The following DENND1A variants were observed in gnomAD, a reference collection of about 807,000 sequenced individuals.
DENND1A encodes DENN domain-containing protein 1A.
In DENND1A, 51 loss-of-function variants were observed where a neutral mutation model predicts 113.7. The observed-to-expected ratio is 0.45, with a 90% confidence interval of 0.36 to 0.57. DENND1A has a LOEUF of 0.57. Ranked by LOEUF, DENND1A falls within the 20% of genes least tolerant of loss-of-function variation. The probability of loss-of-function intolerance (pLI) is 0.00; values close to 1 mark genes in which losing one functional copy is unlikely to be tolerated. For missense variants in DENND1A, 1,258 were observed against 1,395.9 expected (o/e 0.90, Z 1.57); for synonymous variants, 565 against 570.8 (o/e 0.99, Z 0.14).
intron 13 of DENND1A, among the ~76,000 whole-genome samples, chr9:123,516,914 A>AAAAAAAAAAAAAAAAAC: frequency 6.9e-6 from 1 of 145,642 alleles, no homozygotes; most frequent in Admixed American, 6.9e-5. Flanking sequence ...AAAAAAAAAA[A>AAAAAAAAAAAAAAAAAC]AAAAAGAACG....
At chr9:123,552,370 C>T (rs901276223) in intron 13 of DENND1A, among the ~76,000 whole-genome samples, 2 of 152,260 alleles carry the variant, frequency 1.3e-5, no homozygotes, top group Non-Finnish European at 2.9e-5. Flanking sequence ...ATTACACATC[C>T]ACCTTATGGA....
intron 5 of DENND1A, among the ~76,000 whole-genome samples, chr9:123,700,427 G>A (rs1356511945): frequency 6.6e-6 from 1 of 152,198 alleles, no homozygotes; most frequent in Non-Finnish European, 1.5e-5. Flanking sequence ...TTTATGTTAA[G>A]TAACTGGTTG....
chr9:123,611,950 A>T (rs1442082598), intron 10 of DENND1A, among the ~76,000 whole-genome samples: 1 of 152,264 alleles, frequency 6.6e-6, no homozygotes, highest in Non-Finnish European at 1.5e-5. Flanking sequence ...GGCATTTTTT[A>T]AAGCCCAATA....
intron 5 of DENND1A, among the ~76,000 whole-genome samples, chr9:123,687,840 C>T (rs570952369): frequency 1.4e-4 from 22 of 152,308 alleles, no homozygotes; most frequent in South Asian, 4.1e-4. Flanking sequence ...AAAAGCTTCA[C>T]GGCTATCTAA....
chr9:123,699,688 CTTTTTTTTTTTTT>C lies in DENND1A; in HGVS notation c.303-22912_303-22900del, dbSNP rs34215948. Among the ~76,000 whole-genome samples the C allele has an allele frequency of 2.7e-5, 3 of 112,414 alleles. No individual in the cohort carries two copies. The South Asian group carries it at 9.0e-4, about 34-fold the overall frequency. 73.7% of individuals were successfully genotyped at this position (112,414 alleles called of 152,430 possible). A position where few individuals can be genotyped will look rare whatever the true frequency, so the allele number is the denominator to read the frequency against. ...TAGACTACCCTTTCATTCTTTCTTT[CTTTTTTTTTTTTT>C]TTTTTTTTTTATTGGAGACAGAGTC... On this transcript the variant is annotated intron_variant, in intron 5 of 23. Transcript: ENST00000394215.
intron 5 of DENND1A, among the ~76,000 whole-genome samples, chr9:123,709,469 C>T (rs1224593494): frequency 6.6e-6 from 1 of 152,186 alleles, no homozygotes; most frequent in East Asian, 1.9e-4. Context: ...GGCACTGATT[C>T]TGCTTTGGCA....
At chr9:123,759,919 A>G (rs1223713207) in intron 4 of DENND1A, 1 of 152,224 alleles carries the variant, frequency 6.6e-6, no homozygotes, top group Non-Finnish European at 1.5e-5. Context: ...TTCAAGGGAA[A>G]TCCTTTGAAG....
At chr9:123,472,768 C>T (rs918555928) in intron 13 of DENND1A, among the ~76,000 whole-genome samples, 1 of 152,204 alleles carries the variant, frequency 6.6e-6, no homozygotes, top group Non-Finnish European at 1.5e-5. Context: ...CCCACCGCGG[C>T]TCCTCATTCC....
intron 2 of DENND1A, among the ~76,000 whole-genome samples, chr9:123,858,479 T>G (rs1281478832): frequency 1.3e-5 from 2 of 152,154 alleles, no homozygotes; most frequent in Non-Finnish European, 2.9e-5. Flanking sequence ...GCTTCTAGCA[T>G]TAGTAAGTGA....
chr9:123,902,968 T>C (rs1040897478), intron 1 of DENND1A, among the ~76,000 whole-genome samples: 7 of 151,822 alleles, frequency 4.6e-5, no homozygotes, highest in Non-Finnish European at 1.0e-4. Flanking sequence ...TAGTATAACA[T>C]GACCAAGTGG....
chr9:123,646,673 G>A (rs751538869), intron 9 of DENND1A, among the ~76,000 whole-genome samples: 3 of 151,788 alleles, frequency 2.0e-5, no homozygotes, highest in Non-Finnish European at 4.4e-5. Context: ...ATTTCCTACC[G>A]TACGAGATAT....
chr9:123,429,481 G>C (rs2045977696), intron 19 of DENND1A, among the ~76,000 whole-genome samples: 1 of 152,118 alleles, frequency 6.6e-6, no homozygotes, highest in South Asian at 2.1e-4. Context: ...CTTGAACCTG[G>C]GATGTGGAGG....
chr9:123,812,049 C>A (rs1288742741), intron 2 of DENND1A, among the ~76,000 whole-genome samples: 1 of 152,104 alleles, frequency 6.6e-6, no homozygotes, highest in Non-Finnish European at 1.5e-5. Flanking sequence ...AGCTAAAGCA[C>A]CACCTTCCAC....
chr9:123,759,473 G>A (rs2070855193), intron 4 of DENND1A: 2 of 152,202 alleles, frequency 1.3e-5, no homozygotes, highest in African/African-American at 4.8e-5. Flanking sequence ...CACCCAGGCT[G>A]GGGTACAGTG....
At chr9:123,477,390 A>ATT (rs760921029) in intron 13 of DENND1A, among the ~76,000 whole-genome samples, 1,799 of 145,194 alleles carry the variant, frequency 0.012, 42 homozygotes, top group African/African-American at 0.042. Flanking sequence ...ATCTCTATAA[A>ATT]TTTTTTTTTT....
chr9:123,407,337 C>T (rs1226706455), intron 20 of DENND1A, among the ~76,000 whole-genome samples: 1 of 152,076 alleles, frequency 6.6e-6, no homozygotes. Flanking sequence ...CAGACCTGAC[C>T]ATCCCGAGAT....
At chr9:123,406,446 G>T (rs1014435857) in intron 20 of DENND1A, among the ~76,000 whole-genome samples, 1 of 152,238 alleles carries the variant, frequency 6.6e-6, no homozygotes, top group Admixed American at 6.5e-5. Context: ...GGAAGACGAT[G>T]AGTGGGTGTC....
At chr9:123,432,018 C>T (rs979965640) in intron 19 of DENND1A, among the ~76,000 whole-genome samples, 1 of 152,164 alleles carries the variant, frequency 6.6e-6, no homozygotes, top group South Asian at 2.1e-4. Context: ...TTTCACTCAG[C>T]TGCTGACATT....
chr9:123,500,881 T>C (rs1390754808), intron 13 of DENND1A, among the ~76,000 whole-genome samples: 1 of 152,238 alleles, frequency 6.6e-6, no homozygotes, highest in African/African-American at 2.4e-5. Flanking sequence ...GGTTGCTGCA[T>C]CAAAAATAAT....
Sources: allele counts gnomAD v4.1 joint callset (sites outside exome capture counted in the v4.1 genomes callset), GRCh38; gene constraint gnomAD v4.1.1; transcripts MANE v1.5; gene names NCBI Gene and HGNC (gene_info 2026-07-23, HGNC 2026-07-21).